ZNF236: variants seen among roughly 807,000 people sequenced by gnomAD.
ZNF236 encodes zinc finger protein 236, also known as regulated by glucose.
Under a neutral mutation model 191.2 loss-of-function variants are expected in ZNF236, and 50 were observed. The observed-to-expected ratio is 0.26, with a 90% CI of 0.21 to 0.33. The LOEUF (loss-of-function observed/expected upper bound fraction) is 0.33, where lower values mean the gene tolerates loss of function less well. ZNF236 is among the 10% of genes least tolerant of loss of function. The pLI, the probability that ZNF236 is intolerant of heterozygous loss-of-function variation, is 1.00. For missense variants in ZNF236, 1,754 were observed against 2,374.5 expected, an observed-to-expected ratio of 0.74 and a Z score of 5.43; for synonymous variants, 907 against 928.8, an observed-to-expected ratio of 0.98 and a Z score of 0.43.
rs575247325 is a variant in ZNF236, at chr18:76,910,148, G to A, written c.2632G>A (p.Glu878Lys). The change falls in exon 15 of 31, where the codon GAA becomes AAA. Residue 878 changes from glutamate (E) to lysine (K), a missense_variant. By Grantham distance (56) the Glu-to-Lys change is moderately conservative (BLOSUM62 1). Transcript: ENST00000320610. ...GCAGAGCCCTGCGCAACAGTCCTTC[G>A]AACCAGCAGGGCTACCCCAAGGTCA... ...EEQSPAQQSFEPAGLPQGFTV... is the reference protein window; with the variant it reads ...EEQSPAQQSFKPAGLPQGFTV... 9 of 1,612,872 alleles carry A rather than the reference G, an allele frequency of 5.6e-6. No homozygotes were observed. Among genetic ancestry groups the A allele is most frequent in the South Asian group, 3.3e-5 (3 of 91,056 alleles).
At position 76,970,512 on chromosome 18, in the gene ZNF236, A is replaced by C. The variant is rs1055489307; in HGVS notation, c.*2173A>C. 3 of 152,658 alleles carry C rather than the reference A, an allele frequency of 2.0e-5. No individual in the cohort carries two copies. The highest frequency in any genetic ancestry group is 4.4e-5 in the Non-Finnish European group (3 of 68,040). 9.5% of individuals were successfully genotyped at this position (152,658 alleles called of 1,614,324 possible). On this transcript the variant is annotated 3_prime_UTR_variant, in exon 31 of 31. Coordinates refer to ENST00000320610, the MANE Select transcript of ZNF236 (RefSeq NM_001306089.2). ...GCTTTTTTGCAGAACATTCCTTGAA[A>C]ATATAAGGTTTTGAAAAGACATAAT... is the stretch of plus-strand genomic sequence containing the variant.
At chr18:76,826,073 A>C (rs982494576) in intron 1 of ZNF236, among the ~76,000 whole-genome samples, 2 of 152,132 alleles carry the variant, frequency 1.3e-5, no homozygotes, top group East Asian at 3.9e-4. Context: ...CAAGGGATGT[A>C]GGGATTTTTA....
chr18:76,876,949 A>G (rs1352043872), intron 6 of ZNF236, among the ~76,000 whole-genome samples: 3 of 152,196 alleles, frequency 2.0e-5, no homozygotes, highest in Non-Finnish European at 2.9e-5. Flanking sequence ...TGTTCCAGAA[A>G]GAGCCTCTAA....
Position 76,955,981 on chromosome 18 carries a change from C to A in ZNF236, c.4915-4C>A. The A allele has an allele frequency of 6.2e-7, 1 of 1,606,454 alleles. No individual in the cohort carries two copies. On this transcript the variant is annotated splice_polypyrimidine_tract_variant and splice_region_variant and intron_variant, in intron 27 of 30. Transcript: ENST00000320610. ...GGAAAGTCACAATTTCTGGCTCTTT[C>A]CAGGTAGCTGGCGTCTCTGGGAACC...
intron 27 of ZNF236, among the ~76,000 whole-genome samples, chr18:76,949,527 A>T (rs1456184220): frequency 6.6e-6 from 1 of 152,212 alleles, no homozygotes; most frequent in Non-Finnish European, 1.5e-5. Flanking sequence ...ACATGCATTC[A>T]GTTCTAGAGC....
At chr18:76,934,814 C>T (rs754671544) in intron 25 of ZNF236, among the ~76,000 whole-genome samples, 59 of 152,146 alleles carry the variant, frequency 3.9e-4, no homozygotes, top group Admixed American at 2.0e-3. Flanking sequence ...CAGTTAATCG[C>T]AAGAAAAAAC....
In ZNF236 at chr18:76,895,086, C is replaced by T. The variant is rs898219065; in HGVS notation, c.1491C>T (p.Ser497=). Residue 497 remains serine (S), a synonymous_variant, in exon 10 of 31, where the codon AGC becomes AGT. Coordinates refer to ENST00000320610, the MANE Select transcript of ZNF236 (RefSeq NM_001306089.2). ...GCGCCAAGGAGTTCCGCAAGCCCAG[C>T]GACCTGGTCCGCCACATCCGCATCC... ...PYCAKEFRKP[S]DLVRHIRIHT... The T allele has an allele frequency of 2.0e-5, 33 of 1,611,594 alleles. No individual in the cohort carries two copies. Among genetic ancestry groups the T allele is most frequent in the Admixed American group, 3.3e-5 (2 of 60,012 alleles).
chr18:76,965,903 G>A (rs890871541), intron 30 of ZNF236, among the ~76,000 whole-genome samples: 3 of 152,212 alleles, frequency 2.0e-5, no homozygotes, highest in African/African-American at 7.2e-5. Context: ...CATCAGCTGT[G>A]GTAGTATAGG....
At chr18:76,904,154 ATAAAT>A (rs1977676350) in intron 11 of ZNF236, among the ~76,000 whole-genome samples, 1 of 151,588 alleles carries the variant, frequency 6.6e-6, no homozygotes, top group African/African-American at 2.4e-5. Flanking sequence ...TTGTTAATTT[ATAAAT>A]TAATTTGTAA....
chr18:76,872,807 T>C (rs1976614754), intron 5 of ZNF236, among the ~76,000 whole-genome samples: 1 of 152,258 alleles, frequency 6.6e-6, no homozygotes, highest in African/African-American at 2.4e-5. Flanking sequence ...TTTTGTTTTC[T>C]TCTGTATTTC....
At chr18:76,943,989 C>G (rs1968200369) in intron 26 of ZNF236, among the ~76,000 whole-genome samples, 1 of 152,138 alleles carries the variant, frequency 6.6e-6, no homozygotes, top group African/African-American at 2.4e-5. Flanking sequence ...GGGTACTTGA[C>G]AATGGTATAG....
At chr18:76,862,425 G>A (rs1017550836) in intron 3 of ZNF236, among the ~76,000 whole-genome samples, 2 of 152,106 alleles carry the variant, frequency 1.3e-5, no homozygotes, top group African/African-American at 4.8e-5. Flanking sequence ...TTGGGAGCTG[G>A]CAGCACTTCG....
chr18:76,881,623 G>A (rs1227875235), intron 9 of ZNF236, 111 bp downstream of exon 9: 3 of 956,330 alleles, frequency 3.1e-6, no homozygotes, highest in Non-Finnish European at 4.6e-6. Flanking sequence ...TTTGTTGAAT[G>A]TTTTGTAGCT....
At chr18:76,917,674 G>A (rs1004933794) in intron 19 of ZNF236, among the ~76,000 whole-genome samples, 5 of 152,078 alleles carry the variant, frequency 3.3e-5, no homozygotes, top group Non-Finnish European at 7.4e-5. Flanking sequence ...TCTGTCTGTC[G>A]TGCTTAATTT....
At chr18:76,824,443 G>C (rs1400891084) in intron 1 of ZNF236, 1 of 780,950 alleles carries the variant, frequency 1.3e-6, no homozygotes. Context: ...GCAGTGCTCA[G>C]AATTTTGATT....
At chr18:76,876,523 G>A (rs763661123) in intron 6 of ZNF236, among the ~76,000 whole-genome samples, 4 of 152,076 alleles carry the variant, frequency 2.6e-5, no homozygotes, top group Non-Finnish European at 5.9e-5. Flanking sequence ...TAAACAGAAT[G>A]TCTAAAATGA....
Position 76,880,335 on chromosome 18 carries a change from C to T in ZNF236, c.1188+19C>T, listed in dbSNP as rs773846450. On this transcript the variant is annotated intron_variant, in intron 8 of 30. Coordinates refer to ENST00000320610, the MANE Select transcript of ZNF236 (RefSeq NM_001306089.2). The surrounding 1 kb of genome is among the most constrained non-coding windows in gnomAD (Gnocchi z 5.0). ...TTTACAGGTGAAGCACGCTTCCCTG[C>T]GGTGTGAGGCTTACGTGCTCGTGCT... The T allele has an allele frequency of 7.5e-6, 12 of 1,593,612 alleles. No individual in the cohort carries two copies. Among genetic ancestry groups the T allele is most frequent in the Middle Eastern group, 1.8e-4 (1 of 5,410 alleles).
intron 3 of ZNF236, among the ~76,000 whole-genome samples, chr18:76,853,900 C>T (rs1030140350): frequency 4.0e-5 from 6 of 151,842 alleles, no homozygotes; most frequent in African/African-American, 1.5e-4. Flanking sequence ...ATCCCAGCTA[C>T]TCCGGAGGCT....
At chr18:76,843,559 C>T (rs1372464889) in intron 1 of ZNF236, among the ~76,000 whole-genome samples, 1 of 139,742 alleles carries the variant, frequency 7.2e-6, no homozygotes, top group Non-Finnish European at 1.6e-5. Context: ...GGGCGGATCA[C>T]GAGGTCAGGA....
Sources: gnomAD v4.1 joint callset for allele counts (sites outside exome capture counted in the v4.1 genomes callset) on GRCh38, gnomAD v4.1.1 for gene constraint, Gnocchi (gnomAD v3.1) non-coding constraint, MANE v1.5 for transcripts, NCBI Gene and HGNC (gene_info 2026-07-23, HGNC 2026-07-21) for gene names.